The following CYFIP1 variants were observed in gnomAD, a reference collection of about 807,000 sequenced individuals.
The protein encoded by CYFIP1 is cytoplasmic FMR1-interacting protein 1.
A neutral mutation model predicts 163.5 loss-of-function variants in CYFIP1; 58 were observed. The ratio of observed to expected loss-of-function variants is 0.35; its 90% CI spans 0.29 to 0.44. The LOEUF (loss-of-function observed/expected upper bound fraction) is 0.44, where lower values mean the gene tolerates loss of function less well. Among genes scored for constraint, CYFIP1 ranks in the 20% least tolerant of loss-of-function variants. CYFIP1 has a pLI of 1.00. For missense variants in CYFIP1, 1,338 were observed against 1,653.8 expected (o/e 0.81, Z 3.31); for synonymous variants, 663 against 660.7 (o/e 1.00, Z -0.05).
intron 13 of CYFIP1, among the ~76,000 whole-genome samples, chr15:22,920,475 A>G (rs2061138436): frequency 6.6e-6 from 1 of 152,174 alleles, no homozygotes; most frequent in Non-Finnish European, 1.5e-5. Context: ...ATGGCTTTAT[A>G]AACAGCCTGA....
chr15:22,952,587 G>A (rs963227728), intron 1 of CYFIP1, among the ~76,000 whole-genome samples: 26 of 141,620 alleles, frequency 1.8e-4, no homozygotes, highest in African/African-American at 5.8e-4. Flanking sequence ...CCCAGGAGGC[G>A]GAGGTTGCAG....
intron 5 of CYFIP1, among the ~76,000 whole-genome samples, chr15:22,943,651 G>C (rs1027632061): frequency 2.0e-5 from 3 of 152,188 alleles, no homozygotes; most frequent in African/African-American, 7.2e-5. Context: ...TAAAACGCCT[G>C]TAAAATTCAG....
chr15:22,888,471 G>A (rs749630943), intron 23 of CYFIP1, among the ~76,000 whole-genome samples: 2 of 152,070 alleles, frequency 1.3e-5, no homozygotes, highest in African/African-American at 2.4e-5. Flanking sequence ...GGTGGCTCAC[G>A]GCTACATCCC....
chr15:22,930,636 G>A (rs553478580), intron 11 of CYFIP1, among the ~76,000 whole-genome samples: 6 of 151,732 alleles, frequency 4.0e-5, no homozygotes, highest in Non-Finnish European at 4.4e-5. Context: ...CATTTTTAAC[G>A]AAAAAGCTCA....
chr15:22,905,818 G>A (rs964589126), intron 21 of CYFIP1, among the ~76,000 whole-genome samples: 1 of 150,706 alleles, frequency 6.6e-6, no homozygotes, highest in African/African-American at 2.4e-5. Context: ...GTAGTACAGT[G>A]GAACGATCTC....
chr15:22,895,670 C>A (rs150687234), intron 22 of CYFIP1, among the ~76,000 whole-genome samples: 34 of 152,296 alleles, frequency 2.2e-4, no homozygotes, highest in African/African-American at 7.0e-4. Flanking sequence ...ACCAGAAAGA[C>A]AGCATGGGGT....
At chr15:22,955,710 G>A (rs1218595174) in intron 1 of CYFIP1, among the ~76,000 whole-genome samples, 1 of 152,136 alleles carries the variant, frequency 6.6e-6, no homozygotes, top group Non-Finnish European at 1.5e-5. Flanking sequence ...GATGTGGCCA[G>A]CCCTCGCCAC....
intron 13 of CYFIP1, among the ~76,000 whole-genome samples, chr15:22,924,582 G>A (rs1315491891): frequency 6.6e-6 from 1 of 152,080 alleles, no homozygotes; most frequent in Non-Finnish European, 1.5e-5. Flanking sequence ...GGTTGAGGGA[G>A]GGAAGAATGA....
At chr15:22,972,452 CA>C (rs1300019876) in intron 1 of CYFIP1, among the ~76,000 whole-genome samples, 2 of 151,670 alleles carry the variant, frequency 1.3e-5, no homozygotes, top group South Asian at 2.1e-4. Flanking sequence ...CAAAACAAAA[CA>C]AAAAAAACTA....
At chr15:22,920,318 C>A (rs1195363858) in intron 13 of CYFIP1, among the ~76,000 whole-genome samples, 1 of 151,914 alleles carries the variant, frequency 6.6e-6, no homozygotes, top group Non-Finnish European at 1.5e-5. Context: ...GCATGCACTA[C>A]CATGCTTGGC....
intron 26 of CYFIP1, among the ~76,000 whole-genome samples, chr15:22,878,408 A>G (rs1452577472): frequency 6.6e-6 from 1 of 152,172 alleles, no homozygotes; most frequent in East Asian, 1.9e-4. Flanking sequence ...AAGCTGGCAG[A>G]TGGCAGGGGA....
At chr15:22,913,844 G>A (rs2060879019) in intron 17 of CYFIP1, among the ~76,000 whole-genome samples, 1 of 152,116 alleles carries the variant, frequency 6.6e-6, no homozygotes, top group Non-Finnish European at 1.5e-5. Context: ...CCACACAAAT[G>A]GCATGGCCAT....
intron 25 of CYFIP1, 63 bp from the exon 26 acceptor site, chr15:22,880,106 G>A (rs1396584721): frequency 2.0e-5 from 32 of 1,602,336 alleles, no homozygotes; most frequent in Non-Finnish European, 2.7e-5. Context: ...AGCAGCCTGG[G>A]TCCACAGCCA....
In CYFIP1 at chr15:22,917,800, G is replaced by C. The variant is rs2061040548; in HGVS notation, c.1662C>G (p.Pro554=). ...AAGGGACGAGAACCTGAGTGCTGGA[G>C]GGTCCCACGGCGCGGCGTGGTACTT... is the stretch of plus-strand genomic sequence containing the variant. ...DIKVPRRAVG[P]SSTQLYMVRT... Residue 554 remains proline (P), a synonymous_variant, in exon 15 of 31, where the codon CCC becomes CCG. Coordinates refer to ENST00000617928, the MANE Select transcript of CYFIP1 (RefSeq NM_014608.6). The surrounding 1 kb of genome is among the most constrained non-coding windows in gnomAD (Gnocchi z 4.2). The C allele has an allele frequency of 6.2e-6, 10 of 1,609,460 alleles. No individual in the cohort carries two copies. Among genetic ancestry groups the C allele is most frequent in the Non-Finnish European group, 8.5e-6 (10 of 1,177,880 alleles).
intron 1 of CYFIP1, among the ~76,000 whole-genome samples, chr15:22,979,502 G>A (rs1316396202): frequency 2.0e-5 from 3 of 152,264 alleles, no homozygotes; most frequent in African/African-American, 7.2e-5. Context: ...ACGCGGCGCT[G>A]GGCTCAATCA....
rs1259624214 is a variant in CYFIP1 at position 22,874,750 on chromosome 15, T to C, written c.3116-106A>G. The stretch of plus-strand genomic sequence containing the variant: ...ACAAAAGATTTTTAAGTTAACATTA[T>C]GGATACAGATTCTCTTTGAAAATTA... On this transcript the variant is annotated intron_variant, in intron 27 of 30. Coordinates refer to ENST00000617928, the MANE Select transcript of CYFIP1 (RefSeq NM_014608.6). 9 of 683,762 alleles carry C rather than the reference T, an allele frequency of 1.3e-5. No homozygotes were observed. In the African/African-American group the frequency reaches 1.5e-4, roughly 11 times the overall value. 42.4% of individuals were successfully genotyped at this position (683,762 alleles called of 1,614,324 possible).
chr15:22,933,407 C>A, intron 10 of CYFIP1, among the ~76,000 whole-genome samples: 1 of 151,652 alleles, frequency 6.6e-6, no homozygotes, highest in Non-Finnish European at 1.5e-5. Context: ...CTCCGCCTCC[C>A]AGGTTCATGC....
intron 23 of CYFIP1, among the ~76,000 whole-genome samples, chr15:22,887,930 G>A (rs780943482): frequency 5.9e-5 from 9 of 152,096 alleles, no homozygotes; most frequent in Non-Finnish European, 1.0e-4. Context: ...ACACAGAGCC[G>A]GCTCTGGACT....
chr15:22,944,703 G>A (rs140013489), intron 4 of CYFIP1, 44 bp from the exon 5 acceptor site: 5 of 1,567,386 alleles, frequency 3.2e-6, no homozygotes, highest in Non-Finnish European at 4.4e-6. Flanking sequence ...CTTTGATCCA[G>A]CCAGAAGCAG....
Sources: gnomAD v4.1 joint callset for allele counts (sites outside exome capture counted in the v4.1 genomes callset) on GRCh38, gnomAD v4.1.1 for gene constraint, Gnocchi (gnomAD v3.1) non-coding constraint, MANE v1.5 for transcripts, NCBI Gene and HGNC (gene_info 2026-07-23, HGNC 2026-07-21) for gene names.